LRP1B: variants seen among roughly 807,000 people sequenced by gnomAD.
LRP1B encodes low-density lipoprotein receptor-related protein 1B.
In LRP1B, 217 loss-of-function variants were observed where a neutral mutation model predicts 556.6. The ratio of observed to expected loss-of-function variants is 0.39; its 90% CI spans 0.35 to 0.44. The LOEUF is 0.44. Among genes scored for constraint, LRP1B ranks in the 20% least tolerant of loss-of-function variants. The pLI is 1.00. For synonymous variants in LRP1B, 2,047 were observed against 1,865.8 expected, an observed-to-expected ratio of 1.10 and a Z score of -2.50; for missense variants, 5,053 against 5,620.8, an observed-to-expected ratio of 0.90 and a Z score of 3.23.
At chr2:141,461,184 C>G (rs1207497333) in intron 3 of LRP1B, among the ~76,000 whole-genome samples, 2 of 152,084 alleles carry the variant, frequency 1.3e-5, no homozygotes, top group African/African-American at 4.8e-5. Context: ...GAAGGAGACT[C>G]AAAAGGCACA....
chr2:140,802,136 T>C (rs1233013062), intron 32 of LRP1B, among the ~76,000 whole-genome samples: 1 of 152,156 alleles, frequency 6.6e-6, no homozygotes, highest in Non-Finnish European at 1.5e-5. Flanking sequence ...TTCAATTTCA[T>C]TCTACTCAAC....
At position 141,574,868 on chromosome 2, in the gene LRP1B, G is replaced by A. The variant is rs765933880; in HGVS notation, c.206-94335C>T. Among the ~76,000 whole-genome samples, 39 of 152,050 alleles carry A rather than the reference G, an allele frequency of 2.6e-4. 1 individual carries two copies. Among genetic ancestry groups the A allele is most frequent in the Non-Finnish European group, 5.9e-5 (4 of 68,008 alleles). On this transcript the variant is annotated intron_variant, in intron 2 of 90. Transcript: ENST00000389484. ...CTTCCATTCAAAATCATTACAAAGAGAATAGAATACCTAGGAATACAGCTA... is the reference window on the plus strand; with the variant it reads ...CTTCCATTCAAAATCATTACAAAGAAAATAGAATACCTAGGAATACAGCTA...
intron 43 of LRP1B, among the ~76,000 whole-genome samples, chr2:140,592,761 G>A (rs988830412): frequency 6.6e-6 from 1 of 152,078 alleles, no homozygotes; most frequent in Non-Finnish European, 1.5e-5. Context: ...GAAAGATAGA[G>A]AGACCCCCAT....
At chr2:141,376,536 G>A (rs922301724) in intron 3 of LRP1B, among the ~76,000 whole-genome samples, 1 of 151,998 alleles carries the variant, frequency 6.6e-6, no homozygotes, top group Non-Finnish European at 1.5e-5. Context: ...CCGTGGAGGA[G>A]GCACATTCTA....
At chr2:140,660,069 T>C (rs1225796665) in intron 41 of LRP1B, among the ~76,000 whole-genome samples, 1 of 152,044 alleles carries the variant, frequency 6.6e-6, no homozygotes, top group Non-Finnish European at 1.5e-5. Context: ...CTTATAGTGT[T>C]TTTCAAAAAG....
intron 3 of LRP1B, among the ~76,000 whole-genome samples, chr2:141,364,224 G>C (rs1346749893): frequency 3.3e-5 from 5 of 151,362 alleles, no homozygotes; most frequent in Admixed American, 6.6e-5. Flanking sequence ...ACTGGGCAAG[G>C]CATAGCAAAG....
At chr2:140,544,490 T>A (rs1343189597) in intron 43 of LRP1B, among the ~76,000 whole-genome samples, 1 of 152,038 alleles carries the variant, frequency 6.6e-6, no homozygotes. Context: ...TGCCCTCCAG[T>A]GGGTCCCAGT....
chr2:141,250,396 A>T (rs1400900532), intron 4 of LRP1B, among the ~76,000 whole-genome samples: 1 of 151,996 alleles, frequency 6.6e-6, no homozygotes. Flanking sequence ...CTAAAAAATA[A>T]CTCTTGAACA....
chr2:142,077,055 G>A (rs1027319097), intron 1 of LRP1B, among the ~76,000 whole-genome samples: 25 of 152,056 alleles, frequency 1.6e-4, no homozygotes, highest in African/African-American at 6.0e-4. Context: ...ATATATGAAT[G>A]GCATCATTTC....
chr2:140,585,592 A>C (rs540895657), intron 43 of LRP1B, among the ~76,000 whole-genome samples: 1 of 152,316 alleles, frequency 6.6e-6, no homozygotes, highest in East Asian at 1.9e-4. Flanking sequence ...TGAGATTCAA[A>C]AAGATTAAAA....
chr2:141,006,389 T>C (rs1027456047), intron 14 of LRP1B, among the ~76,000 whole-genome samples: 1 of 152,044 alleles, frequency 6.6e-6, no homozygotes, highest in Non-Finnish European at 1.5e-5. Context: ...TCCTCCTATC[T>C]AGCTGTAACG....
intron 43 of LRP1B, among the ~76,000 whole-genome samples, chr2:140,547,959 G>GAAA (rs554822826): frequency 8.7e-6 from 1 of 115,090 alleles, no homozygotes. Context: ...CTGTAATCAG[G>GAAA]AAAAAAAAAA....
chr2:141,745,473 A>G lies in LRP1B; in HGVS notation c.205+64806T>C, dbSNP rs6717223. ...CTATGGCCACCACCACCACAGGTCC[A>G]TAAGGAATACTGCCAGACTACCACT... On this transcript the variant is annotated intron_variant, in intron 2 of 90. Transcript: ENST00000389484. 3.7e-3 allele frequency among the ~76,000 whole-genome samples: 559 copies of G among 152,172 alleles called. 5 individuals carry two copies. Among genetic ancestry groups the G allele is most frequent in the African/African-American group, 0.013 (535 of 41,548 alleles).
At position 140,544,029 on chromosome 2, in the gene LRP1B, G is replaced by A. The variant is rs145768528; in HGVS notation, c.7195-2058C>T. ...TTAACAAAATCCTAAATAAAGAGAC[G>A]TATGGAGAAGAAGAAGTATAATATA... is the stretch of plus-strand genomic sequence containing the variant. On this transcript the variant is annotated intron_variant, in intron 43 of 90. Coordinates refer to ENST00000389484, the MANE Select transcript of LRP1B (RefSeq NM_018557.3). 1.8e-3 allele frequency among the ~76,000 whole-genome samples: 269 copies of A among 152,056 alleles called. 3 individuals carry two copies. Among genetic ancestry groups the A allele is most frequent in the Admixed American group, 3.9e-3 (59 of 15,220 alleles).
chr2:140,416,125 T>C (rs1358636308), intron 66 of LRP1B, among the ~76,000 whole-genome samples: 2 of 152,148 alleles, frequency 1.3e-5, no homozygotes, highest in African/African-American at 4.8e-5. Flanking sequence ...TGGCTACCCA[T>C]TGCTCACGTT....
chr2:140,266,518 G>A (rs752628528), intron 86 of LRP1B, among the ~76,000 whole-genome samples: 6 of 151,928 alleles, frequency 3.9e-5, no homozygotes, highest in Non-Finnish European at 7.4e-5. Flanking sequence ...CCACTCTTGT[G>A]TCATGGTATA....
At position 141,983,602 on chromosome 2, in the gene LRP1B, T is replaced by C. The variant is rs182937882; in HGVS notation, c.82+147046A>G. 1.9e-3 allele frequency among the ~76,000 whole-genome samples: 292 copies of C among 152,302 alleles called. 4 individuals carry two copies. The highest frequency in any genetic ancestry group is 0.015 in the Admixed American group (230 of 15,298). On this transcript the variant is annotated intron_variant, in intron 1 of 90. Coordinates refer to ENST00000389484, the MANE Select transcript of LRP1B (RefSeq NM_018557.3). Reference sequence around the variant, plus strand: ...TGGATAAATAAAATAAGTCATCCTCTCCAGGCATCTTTCTTTTCAAAAATA... The same window carrying C: ...TGGATAAATAAAATAAGTCATCCTCCCCAGGCATCTTTCTTTTCAAAAATA...
At chr2:140,782,682 T>C (rs1368200183) in intron 32 of LRP1B, among the ~76,000 whole-genome samples, 1 of 152,160 alleles carries the variant, frequency 6.6e-6, no homozygotes, top group Non-Finnish European at 1.5e-5. Context: ...ATGTTAATAT[T>C]GATAATTAAC....
chr2:140,949,798 G>T (rs2105298556), intron 20 of LRP1B, among the ~76,000 whole-genome samples: 1 of 151,706 alleles, frequency 6.6e-6, no homozygotes, highest in Admixed American at 6.6e-5. Flanking sequence ...AAATTAGCCG[G>T]GCATGGTGGC....
Sources: allele counts gnomAD v4.1 joint callset (sites outside exome capture counted in the v4.1 genomes callset), GRCh38; gene constraint gnomAD v4.1.1; transcripts MANE v1.5; gene names NCBI Gene and HGNC (gene_info 2026-07-23, HGNC 2026-07-21).